Variants in ATP1A3 observed in about 807,000 individuals in gnomAD.
ATP1A3 encodes ATPase Na+/K+ transporting subunit alpha 3, also known as sodium/potassium-transporting ATPase subunit alpha-3.
ATP1A3 carries 12 observed loss-of-function variants against 108.8 expected under a neutral mutation model. That is an observed-to-expected ratio of 0.11 (90% CI 0.07 to 0.18). The LOEUF is 0.18. Ranked by LOEUF, ATP1A3 falls within the 10% of genes least tolerant of loss-of-function variation. The pLI is 1.00. For synonymous variants in ATP1A3, 539 were observed against 564.5 expected (o/e 0.95, Z 0.64); for missense variants, 498 against 1,387.7 (o/e 0.36, Z 10.19).
At chr19:41,970,725 G>A (rs950430861) in intron 16 of ATP1A3, among the ~76,000 whole-genome samples, 183 bp from the exon 17 acceptor site, 4 of 146,744 alleles carry the variant, frequency 2.7e-5, no homozygotes, top group African/African-American at 5.1e-5. Flanking sequence ...TCCGCCTCCC[G>A]GGTTCACGCC....
At position 41,983,603 on chromosome 19, in the gene ATP1A3, A is replaced by T. The variant is rs71358999; in HGVS notation, c.993+1315T>A. On this transcript the variant is annotated intron_variant, in intron 8 of 22. Transcript: ENST00000648268. ...TAATAATAATTATTATTATTATAATAATTATTATTATTATTATTTTCTTGA... is the reference window on the plus strand; with the variant it reads ...TAATAATAATTATTATTATTATAATTATTATTATTATTATTATTTTCTTGA... 8.8e-3 allele frequency among the ~76,000 whole-genome samples: 1,270 copies of T among 144,778 alleles called. 16 individuals are homozygous for T. The highest frequency in any genetic ancestry group is 0.01 in the Non-Finnish European group (682 of 66,456). 95.0% of individuals were successfully genotyped at this position (144,778 alleles called of 152,430 possible).
At position 41,985,214 on chromosome 19, in the gene ATP1A3, T is replaced by C; in HGVS notation, c.725-28A>G. Reference sequence around the variant, plus strand: ...GCAGGCCAGAGGGGTTAGGCTGAGGTGGGGTGGCTCAGGGAGGTTCTGGAG... The same window carrying C: ...GCAGGCCAGAGGGGTTAGGCTGAGGCGGGGTGGCTCAGGGAGGTTCTGGAG... On this transcript the variant is annotated intron_variant, in intron 7 of 22. Transcript: ENST00000648268. The surrounding 1 kb of genome is among the most constrained non-coding windows in gnomAD (Gnocchi z 8.2). 6.2e-7 allele frequency: 1 copy of C among 1,613,342 alleles called. No homozygotes were observed. Among genetic ancestry groups the C allele is most frequent in the Non-Finnish European group, 8.5e-7 (1 of 1,179,760 alleles).
At chr19:41,970,565 G>A in intron 16 of ATP1A3, 23 bp from the exon 17 acceptor site, 1 of 1,612,858 alleles carries the variant, frequency 6.2e-7, no homozygotes, top group Non-Finnish European at 8.5e-7. Context: ...CAGGCTCAGA[G>A]CAGGCGCCCA....
chr19:41,992,193 G>A (rs998270948), intron 1 of ATP1A3, among the ~76,000 whole-genome samples: 3 of 152,112 alleles, frequency 2.0e-5, no homozygotes, highest in Non-Finnish European at 2.9e-5. Context: ...AGGAGGGACC[G>A]GGACCCTGGG....
At chr19:41,969,362 GC>G (rs2075077256) in intron 19 of ATP1A3, 72 bp downstream of exon 19, 2 of 1,607,978 alleles carry the variant, frequency 1.2e-6, no homozygotes, top group Admixed American at 1.7e-5. Flanking sequence ...GTAGGAAGTG[GC>G]CATGCATGGC....
rs554904391 is a variant in ATP1A3 at position 41,977,493 on chromosome 19, C to T, written c.1943+443G>A. 6.7e-5 allele frequency among the ~76,000 whole-genome samples: 10 copies of T among 149,620 alleles called. No individual in the cohort carries two copies. The South Asian group carries it at 2.1e-3, about 32-fold the overall frequency. ...CTGAGGTCAGGAGTTCGAGACCAGC[C>T]TGGCCAACATAGTGAAACCCCCGTC... On this transcript the variant is annotated intron_variant, in intron 14 of 22. Transcript: ENST00000648268.
intron 16 of ATP1A3, among the ~76,000 whole-genome samples, chr19:41,972,870 GA>G (rs1568856441): frequency 7.3e-6 from 1 of 137,002 alleles, no homozygotes; most frequent in African/African-American, 2.7e-5. Context: ...AAGAAGGAAG[GA>G]AGGCAGGCAG....
Position 41,978,655 on chromosome 19 carries a change from G to A in ATP1A3, c.1581C>T (p.Ala527=). 1 of 1,614,056 alleles carries A rather than the reference G, an allele frequency of 6.2e-7. No homozygotes were observed. The part of the protein sequence containing the change: ...EQPLDEEMKE[A]FQNAYLELGG... ...CGAGCTCAAGGTAGGCATTCTGGAAGGCCTCCTTCATTTCCTCGTCCAGAG... is the reference window on the plus strand; with the variant it reads ...CGAGCTCAAGGTAGGCATTCTGGAAAGCCTCCTTCATTTCCTCGTCCAGAG... Residue 527 remains alanine, a synonymous_variant, in exon 12 of 23, where the codon GCC becomes GCT. Coordinates refer to ENST00000648268, the MANE Select transcript of ATP1A3 (RefSeq NM_152296.5). This position sits in a 1 kb window ranked among gnomAD's most constrained non-coding sequence, Gnocchi z 8.3.
chr19:41,973,536 G>A (rs1555860380), intron 16 of ATP1A3, among the ~76,000 whole-genome samples: 3 of 152,320 alleles, frequency 2.0e-5, no homozygotes, highest in East Asian at 1.9e-4. Context: ...GATTACAGGC[G>A]TGAGCCCCCG....
chr19:41,985,833 G>A lies in ATP1A3; in HGVS notation c.606+31C>T, dbSNP rs1555865226. Reference sequence around the variant, plus strand: ...CTGAGCTCCTGGGCAGCCCGAGGGAGGGTAAAGCCGGGCCCTAGGCCCAGG... The same window carrying A: ...CTGAGCTCCTGGGCAGCCCGAGGGAAGGTAAAGCCGGGCCCTAGGCCCAGG... On this transcript the variant is annotated intron_variant, in intron 6 of 22. Transcript: ENST00000648268. The surrounding 1 kb of genome is among the most constrained non-coding windows in gnomAD (Gnocchi z 8.2). 8 of 1,612,380 alleles carry A rather than the reference G, an allele frequency of 5.0e-6. No homozygotes were observed. Among genetic ancestry groups the A allele is most frequent in the Non-Finnish European group, 5.9e-6 (7 of 1,179,826 alleles).
intron 16 of ATP1A3, among the ~76,000 whole-genome samples, chr19:41,972,722 G>T (rs371350338): frequency 6.8e-6 from 1 of 147,516 alleles, no homozygotes; most frequent in South Asian, 2.2e-4. Flanking sequence ...CCAACATCAC[G>T]CCACTGCACT....
Position 41,978,666 on chromosome 19 carries a change from T to C in ATP1A3, c.1570A>G (p.Met524Val). Residue 524 changes from methionine to valine, a missense_variant, in exon 12 of 23, where the codon ATG (methionine) becomes GTG (valine). Physicochemically the swap from Met to Val is conservative, Grantham distance 21. Around this residue, in one of 9 missense-constraint regions of ATP1A3, gnomAD observed 92 missense variants for 168.7 expected, o/e 0.55. Coordinates refer to ENST00000648268, the MANE Select transcript of ATP1A3 (RefSeq NM_152296.5). This position sits in a 1 kb window ranked among gnomAD's most constrained non-coding sequence, Gnocchi z 8.3. ...TAGGCATTCTGGAAGGCCTCCTTCA[T>C]TTCCTCGTCCAGAGGCTGCTCCTTG... is the stretch of plus-strand genomic sequence containing the variant. Reference protein sequence around the residue: ...QGKEQPLDEEMKEAFQNAYLE... With the variant: ...QGKEQPLDEEVKEAFQNAYLE... The C allele has an allele frequency of 6.2e-7, 1 of 1,614,100 alleles. No individual in the cohort carries two copies. Among genetic ancestry groups the C allele is most frequent in the Non-Finnish European group, 8.5e-7 (1 of 1,179,994 alleles).
At position 41,978,592 on chromosome 19, in the gene ATP1A3, C is replaced by T. The variant is rs201744458; in HGVS notation, c.1630+14G>A. 1.7e-5 allele frequency: 28 copies of T among 1,612,226 alleles called. No individual in the cohort carries two copies. Among genetic ancestry groups the T allele is most frequent in the Admixed American group, 1.7e-5 (1 of 59,982 alleles). ...CCCTCCAGGGACCCCAGAGCCCGCCCGGCAGCCTCGCACCAAGCACGCGCT... is the reference window on the plus strand; with the variant it reads ...CCCTCCAGGGACCCCAGAGCCCGCCTGGCAGCCTCGCACCAAGCACGCGCT... On this transcript the variant is annotated intron_variant, in intron 12 of 22. Coordinates refer to ENST00000648268, the MANE Select transcript of ATP1A3 (RefSeq NM_152296.5). This position sits in a 1 kb window ranked among gnomAD's most constrained non-coding sequence, Gnocchi z 8.3.
intron 14 of ATP1A3, among the ~76,000 whole-genome samples, chr19:41,977,292 T>C (rs2075181849): frequency 1.3e-5 from 2 of 152,070 alleles, no homozygotes; most frequent in South Asian, 4.1e-4. Context: ...CTGAATCCTC[T>C]GAGATAGGAA....
intron 18 of ATP1A3, 132 bp downstream of exon 18, chr19:41,970,053 T>G (rs2075086128): frequency 6.2e-6 from 9 of 1,444,484 alleles, no homozygotes; most frequent in African/African-American, 1.4e-5. Flanking sequence ...CCCCCACAGA[T>G]AGCTCACTGG....
chr19:41,967,578 G>C lies in ATP1A3; in HGVS notation c.2921+84C>G. 7.0e-7 allele frequency: 1 copy of C among 1,420,208 alleles called. No individual in the cohort carries two copies. Among genetic ancestry groups the C allele is most frequent in the Admixed American group, 1.9e-5 (1 of 52,808 alleles). The allele number at this position is 1,420,208 out of a possible 1,614,324, so 88.0% of individuals were successfully genotyped here. A position where few individuals can be genotyped will look rare whatever the true frequency, so the allele number is the denominator to read the frequency against. On this transcript the variant is annotated intron_variant, in intron 21 of 22. Coordinates refer to ENST00000648268, the MANE Select transcript of ATP1A3 (RefSeq NM_152296.5). The surrounding 1 kb of genome is among the most constrained non-coding windows in gnomAD (Gnocchi z 4.2). ...TGCAGTGGGGACACCAGGGGAGGTG[G>C]GGCCTGAGGTTCAGGCTGAGTCTAA...
At chr19:41,982,254 C>T in intron 8 of ATP1A3, 148 bp from the exon 9 acceptor site, 1 of 1,332,198 alleles carries the variant, frequency 7.5e-7, no homozygotes. Flanking sequence ...GCAATGCCAC[C>T]CCCAATTCAG....
chr19:41,988,695 C>G lies in ATP1A3; in HGVS notation c.7-133G>C. The G allele has an allele frequency of 6.4e-7, 1 of 1,557,720 alleles. No homozygotes were observed. ...CCCTGCATCTCTGGGTGGGGGGTCT[C>G]TGTCTGCCTCTCGGGGTCTCCCTGT... On this transcript the variant is annotated intron_variant, in intron 1 of 22. Transcript: ENST00000648268. The surrounding 1 kb of genome is among the most constrained non-coding windows in gnomAD (Gnocchi z 5.3).
In ATP1A3 at chr19:41,985,002, G is replaced by C. The variant is rs782266448; in HGVS notation, c.909C>G (p.Leu303=). The change falls in exon 8 of 23, where the codon CTC becomes CTG. Residue 303 remains leucine, a synonymous_variant. Coordinates refer to ENST00000648268, the MANE Select transcript of ATP1A3 (RefSeq NM_152296.5). The surrounding 1 kb of genome is among the most constrained non-coding windows in gnomAD (Gnocchi z 8.2). ...TGACAGCCTCAAGCCAGGTGTATCC[G>C]AGAATGAGGGAGAGGATGAAGAAGG... ...GVSFFILSLI[L]GYTWLEAVIF... 66 of 1,614,006 alleles carry C rather than the reference G, an allele frequency of 4.1e-5. No individual in the cohort carries two copies. Among genetic ancestry groups the C allele is most frequent in the Non-Finnish European group, 5.4e-5 (64 of 1,179,992 alleles).
Sources: allele counts gnomAD v4.1 joint callset (sites outside exome capture counted in the v4.1 genomes callset), GRCh38; gene constraint gnomAD v4.1.1; regional missense constraint gnomAD v4.1.1; non-coding constraint Gnocchi (gnomAD v3.1); transcripts MANE v1.5; gene names NCBI Gene and HGNC (gene_info 2026-07-23, HGNC 2026-07-21).